Variants in CACNG4 observed in about 807,000 individuals in gnomAD.
CACNG4 encodes the protein voltage-dependent calcium channel gamma-4 subunit.
A neutral mutation model predicts 22.9 loss-of-function variants in CACNG4; 8 were observed. The ratio of observed to expected loss-of-function variants is 0.35; its 90% CI spans 0.21 to 0.63. The LOEUF is 0.63. CACNG4 is among the 30% of genes least tolerant of loss of function. The pLI is 0.72. For synonymous variants in CACNG4, 188 were observed against 191.9 expected (o/e 0.98, Z 0.17); for missense variants, 357 against 455.4 (o/e 0.78, Z 1.97).
At position 67,008,890 on chromosome 17, in the gene CACNG4, A is replaced by C. The variant is rs147556019; in HGVS notation, c.221-9299A>C. 6.0e-3 allele frequency among the ~76,000 whole-genome samples: 909 copies of C among 152,222 alleles called. 7 individuals are homozygous for C. Among genetic ancestry groups the C allele is most frequent in the African/African-American group, 0.02 (831 of 41,526 alleles). ...CTTGAACCCTGGAGGTGGAAGTTGCAGTGAGCCGAGATCGCGCCACTTCAC... is the reference window on the plus strand; with the variant it reads ...CTTGAACCCTGGAGGTGGAAGTTGCCGTGAGCCGAGATCGCGCCACTTCAC... On this transcript the variant is annotated intron_variant, in intron 1 of 3. Transcript: ENST00000262138.
At chr17:67,001,809 AC>A (rs1329500734) in intron 1 of CACNG4, among the ~76,000 whole-genome samples, 1 of 152,262 alleles carries the variant, frequency 6.6e-6, no homozygotes, top group Non-Finnish European at 1.5e-5. Context: ...CATGGTCCCA[AC>A]ATGGCAAAGC....
In CACNG4 at chr17:66,996,024, G is replaced by A. The variant is rs79350067; in HGVS notation, c.221-22165G>A. Among the ~76,000 whole-genome samples the A allele has an allele frequency of 6.8e-3, 1,028 of 152,198 alleles. 6 individuals are homozygous for A. The highest frequency in any genetic ancestry group is 0.023 in the African/African-American group (969 of 41,498). On this transcript the variant is annotated intron_variant, in intron 1 of 3. Transcript: ENST00000262138. ...CAAACCCTGGTTTTGAGTGTGGCCC[G>A]TTGGATTCGCCTCTAGGACATTAAT...
chr17:67,009,225 G>A (rs573207875), intron 1 of CACNG4, among the ~76,000 whole-genome samples: 94 of 152,130 alleles, frequency 6.2e-4, no homozygotes, highest in Non-Finnish European at 9.7e-4. Context: ...CAAGCCTGCA[G>A]AACTGTAAGG....
chr17:67,024,761 C>T (rs2035552736), intron 2 of CACNG4, 99 bp from the exon 3 acceptor site: 20 of 1,279,956 alleles, frequency 1.6e-5, no homozygotes, highest in Non-Finnish European at 2.1e-5. Context: ...TGGGGAAGGG[C>T]CTGGAGCTGC....
intron 1 of CACNG4, among the ~76,000 whole-genome samples, chr17:67,015,957 G>T (rs1438702536): frequency 6.6e-6 from 1 of 152,106 alleles, no homozygotes; most frequent in Non-Finnish European, 1.5e-5. Context: ...GATGTAGCCG[G>T]CCCACTCTGG....
chr17:66,993,861 C>T (rs754445518), intron 1 of CACNG4, among the ~76,000 whole-genome samples: 1 of 152,130 alleles, frequency 6.6e-6, no homozygotes, highest in Non-Finnish European at 1.5e-5. Flanking sequence ...CCTCGTGATC[C>T]ACCCACCTCA....
intron 1 of CACNG4, among the ~76,000 whole-genome samples, chr17:67,007,229 C>T (rs943003557): frequency 6.6e-6 from 1 of 152,134 alleles, no homozygotes; most frequent in Non-Finnish European, 1.5e-5. Flanking sequence ...CCACAAGGCA[C>T]CTCAATGACT....
intron 1 of CACNG4, among the ~76,000 whole-genome samples, chr17:67,005,893 C>T (rs1055519908): frequency 3.3e-5 from 5 of 152,212 alleles, no homozygotes; most frequent in African/African-American, 1.2e-4. Flanking sequence ...AAGCCATTAT[C>T]TTCTGTTGGG....
intron 1 of CACNG4, among the ~76,000 whole-genome samples, chr17:67,005,380 C>G (rs1831114793): frequency 6.6e-6 from 1 of 152,178 alleles, no homozygotes; most frequent in South Asian, 2.1e-4. Context: ...TGAGGACCAT[C>G]AGAACCTCAG....
chr17:67,009,941 A>T (rs2035459428), intron 1 of CACNG4, among the ~76,000 whole-genome samples: 1 of 151,088 alleles, frequency 6.6e-6, no homozygotes. Context: ...TGTACAATAA[A>T]CTCCCATGTC....
intron 1 of CACNG4, among the ~76,000 whole-genome samples, chr17:67,011,317 C>T (rs1466638007): frequency 3.3e-5 from 5 of 152,118 alleles, no homozygotes; most frequent in Admixed American, 2.0e-4. Context: ...CGTATGTGAG[C>T]AGCCCCCGCA....
chr17:67,005,610 C>A (rs1455644373), intron 1 of CACNG4, among the ~76,000 whole-genome samples: 1 of 152,230 alleles, frequency 6.6e-6, no homozygotes. Context: ...CCTAAGGGAA[C>A]CAGAATGGGC....
intron 1 of CACNG4, among the ~76,000 whole-genome samples, chr17:66,973,854 G>A (rs551188852): frequency 6.6e-6 from 1 of 152,262 alleles, no homozygotes; most frequent in South Asian, 2.1e-4. Context: ...TGCCCCCAAC[G>A]TCCCGTCCCC....
chr17:67,000,528 G>C (rs766550721), intron 1 of CACNG4, among the ~76,000 whole-genome samples: 2 of 152,192 alleles, frequency 1.3e-5, no homozygotes, highest in Non-Finnish European at 2.9e-5. Flanking sequence ...GCCAGGAGAG[G>C]GGGCAAGGGT....
chr17:67,027,106 T>C lies in CACNG4; in HGVS notation c.445+2106T>C, dbSNP rs2035572800. Among the ~76,000 whole-genome samples, 1 of 152,156 alleles carries C rather than the reference T, an allele frequency of 6.6e-6. No homozygotes were observed. Among genetic ancestry groups the C allele is most frequent in the Admixed American group, 6.5e-5 (1 of 15,274 alleles). The stretch of plus-strand genomic sequence containing the variant: ...TCTGTGAGCCCAACCCCACCATCCC[T>C]GCTCCTGCGGAGGAGGCACACAGGC... On this transcript the variant is annotated intron_variant, in intron 3 of 3. Transcript: ENST00000262138. This position sits in a 1 kb window ranked among gnomAD's most constrained non-coding sequence, Gnocchi z 4.3.
Position 67,018,195 on chromosome 17 carries a change from A to T in CACNG4, c.227A>T (p.Tyr76Phe). The change falls in exon 2 of 4, where the codon TAT becomes TTT. Residue 76 changes from tyrosine (Y) to phenylalanine (F), a missense_variant. Tyr to Phe is a conservative substitution (Grantham distance 22). Coordinates refer to ENST00000262138, the MANE Select transcript of CACNG4 (RefSeq NM_014405.4). Reference protein sequence around the residue: ...LWRVCCIEGIYKGHCFRINHF... With the variant: ...LWRVCCIEGIFKGHCFRINHF... ...TTCCTCTCGTTCCTTCCAGGGATCT[A>T]TAAAGGGCACTGCTTCCGGATCAAT... The T allele has an allele frequency of 6.2e-7, 1 of 1,613,492 alleles. No homozygotes were observed. Among genetic ancestry groups the T allele is most frequent in the African/African-American group, 1.3e-5 (1 of 75,018 alleles).
rs1330718947 is a variant in CACNG4, at chr17:67,016,908, A to ACC, written c.221-1278_221-1277dup. On this transcript the variant is annotated intron_variant, in intron 1 of 3. Coordinates refer to ENST00000262138, the MANE Select transcript of CACNG4 (RefSeq NM_014405.4). ...AAGCTACCCAGGGGTCTGGCCCCCC[A>ACC]CCCCATGAGAGCCACTTCTCAGAGT... is the stretch of plus-strand genomic sequence containing the variant. 2.0e-5 allele frequency among the ~76,000 whole-genome samples: 3 copies of ACC among 151,962 alleles called. No individual in the cohort carries two copies. The South Asian group carries it at 6.3e-4, about 32-fold the overall frequency.
intron 1 of CACNG4, 31 bp downstream of exon 1, chr17:66,965,162 A>G (rs776389431): frequency 1.3e-6 from 1 of 794,366 alleles, no homozygotes; most frequent in Non-Finnish European, 1.9e-6. Context: ...TCGCCGCCCC[A>G]CACACACACA....
At chr17:66,967,451 C>T (rs981130940) in intron 1 of CACNG4, among the ~76,000 whole-genome samples, 2 of 152,156 alleles carry the variant, frequency 1.3e-5, no homozygotes, top group African/African-American at 4.8e-5. Flanking sequence ...AAAAGCACAT[C>T]CCTAGACCAA....
Sources: allele counts gnomAD v4.1 joint callset (sites outside exome capture counted in the v4.1 genomes callset), GRCh38; gene constraint gnomAD v4.1.1; non-coding constraint Gnocchi (gnomAD v3.1); transcripts MANE v1.5; gene names NCBI Gene and HGNC (gene_info 2026-07-23, HGNC 2026-07-21).